The following ZNF81 variants were observed in gnomAD, a reference collection of about 807,000 sequenced individuals.
ZNF81 encodes zinc finger protein 81 (HFZ20).
In ZNF81, 5 loss-of-function variants were observed where a neutral mutation model predicts 32.3. The observed-to-expected ratio is 0.15, with a 90% CI of 0.08 to 0.33. The LOEUF is 0.33. ZNF81 is among the 10% of genes least tolerant of loss of function. The pLI is 1.00. For missense variants in ZNF81, 379 were observed against 479.8 expected (o/e 0.79, Z 1.96); for synonymous variants, 163 against 166.8 (o/e 0.98, Z 0.17).
At chrX:47,837,350 T>TTTTTAGAAA (rs1317698810) in intron 1 of ZNF81, among the ~76,000 whole-genome samples, 2 of 112,040 alleles carry the variant, frequency 1.8e-5, no homozygotes, top group African/African-American at 3.3e-5. Context: ...CCGTGGTGAA[T>TTTTTAGAAA]TTTTAGAAAC....
chrX:47,856,837 G>A (rs1252568040), intron 2 of ZNF81, among the ~76,000 whole-genome samples: 1 of 111,682 alleles, frequency 9.0e-6, no homozygotes, highest in African/African-American at 3.3e-5. Flanking sequence ...TCGGGAGGCT[G>A]AAGCAGGAGA....
intron 1 of ZNF81, among the ~76,000 whole-genome samples, chrX:47,839,473 T>C (rs1294549997): frequency 8.9e-6 from 1 of 111,929 alleles, no homozygotes; most frequent in African/African-American, 3.2e-5. Flanking sequence ...CAAAATGCAG[T>C]GAAAACTTTG....
At chrX:47,863,407 A>G (rs782141662) in intron 2 of ZNF81, among the ~76,000 whole-genome samples, 1 of 111,898 alleles carries the variant, frequency 8.9e-6, no homozygotes, top group Non-Finnish European at 1.9e-5. Context: ...CTGGATTGTG[A>G]TATGTTGAAT....
At chrX:47,899,526 T>C (rs1447823965) in intron 4 of ZNF81, among the ~76,000 whole-genome samples, 8 of 111,097 alleles carry the variant, frequency 7.2e-5, no homozygotes, top group African/African-American at 2.3e-4. Flanking sequence ...AAAGTTTGCG[T>C]TTTTCATGAG....
At chrX:47,883,270 CTT>C (rs1458141858) in intron 2 of ZNF81, among the ~76,000 whole-genome samples, 3 of 111,499 alleles carry the variant, frequency 2.7e-5, no homozygotes, top group African/African-American at 9.8e-5. Flanking sequence ...TTTCTTACTA[CTT>C]TCTAGGAGTT....
At position 47,924,867 on chromosome X, in the gene ZNF81, C is replaced by T. The variant is rs2058786456; in HGVS notation, c.*8235C>T. ...TAAAACAATATAACATTATTTCCCT[C>T]ACATCTTAATTATGTGTATTTTCAA... On this transcript the variant is annotated 3_prime_UTR_variant, in exon 5 of 5. Coordinates refer to ENST00000338637, the MANE Select transcript of ZNF81 (RefSeq NM_007137.5). Among the ~76,000 whole-genome samples, 18 of 111,428 alleles carry T rather than the reference C, an allele frequency of 1.6e-4. No individual in the cohort carries two copies. The Admixed American group carries it at 1.6e-3, about 10-fold the overall frequency.
intron 2 of ZNF81, among the ~76,000 whole-genome samples, chrX:47,874,592 T>C (rs1010208332): frequency 8.9e-6 from 1 of 112,294 alleles, no homozygotes; most frequent in Middle Eastern, 4.6e-3. Flanking sequence ...AGGTTCCCCT[T>C]GTGTAGGTCT....
intron 4 of ZNF81, among the ~76,000 whole-genome samples, chrX:47,901,360 A>G (rs781935302): frequency 9.0e-6 from 1 of 111,610 alleles, no homozygotes; most frequent in East Asian, 2.8e-4. Flanking sequence ...TTTTTGGTCT[A>G]TATGCTGTTT....
At chrX:47,856,711 G>A (rs1212765938) in intron 2 of ZNF81, among the ~76,000 whole-genome samples, 9 of 111,500 alleles carry the variant, frequency 8.1e-5, no homozygotes, top group African/African-American at 2.9e-4. Flanking sequence ...TTGGGAGGCC[G>A]AGGCGGGTGG....
intron 1 of ZNF81, among the ~76,000 whole-genome samples, chrX:47,837,716 CTA>C (rs1299155542): frequency 8.9e-6 from 1 of 112,317 alleles, no homozygotes; most frequent in Non-Finnish European, 1.9e-5. Context: ...AGTTCATTGT[CTA>C]TGTGTCTATC....
At chrX:47,882,006 G>T (rs2058622779) in intron 2 of ZNF81, among the ~76,000 whole-genome samples, 1 of 111,210 alleles carries the variant, frequency 9.0e-6, no homozygotes, top group African/African-American at 3.3e-5. Flanking sequence ...CAAGCTTCTG[G>T]CCTCAAGCGA....
In ZNF81 at chrX:47,846,215, A is replaced by T; in HGVS notation, c.-53A>T. ...TGAGTCCACCGATCCCACTGGAATT[A>T]TAAAGTTGTCAGCAAGAAAGCCCCA... On this transcript the variant is annotated 5_prime_UTR_variant, in exon 2 of 5. Transcript: ENST00000338637. 1 of 1,183,620 alleles carries T rather than the reference A, an allele frequency of 8.4e-7. No homozygotes were observed.
At chrX:47,843,210 T>G (rs1479064336) in intron 1 of ZNF81, among the ~76,000 whole-genome samples, 2 of 111,576 alleles carry the variant, frequency 1.8e-5, no homozygotes, top group East Asian at 5.6e-4. Context: ...TATGGCAAAT[T>G]TTGTTTATCC....
intron 2 of ZNF81, among the ~76,000 whole-genome samples, chrX:47,852,814 C>G (rs1425762215): frequency 8.9e-6 from 1 of 112,901 alleles, no homozygotes; most frequent in Non-Finnish European, 1.9e-5. Flanking sequence ...TTCTTAATGG[C>G]TTCTAGAATG....
intron 4 of ZNF81, among the ~76,000 whole-genome samples, chrX:47,905,635 C>T (rs1283392685): frequency 9.1e-6 from 1 of 109,454 alleles, no homozygotes; most frequent in African/African-American, 3.3e-5. Flanking sequence ...TTTTTTCAGA[C>T]ATAGAAGTTT....
Position 47,915,278 on chromosome X carries a change from G to T in ZNF81, c.632G>T (p.Ser211Ile). 1 of 1,211,331 alleles carries T rather than the reference G, an allele frequency of 8.3e-7. No individual in the cohort carries two copies. The highest frequency in any genetic ancestry group is 1.1e-6 in the Non-Finnish European group (1 of 895,365). Residue 211 changes from serine to isoleucine, a missense_variant, in exon 5 of 5, where the codon AGC becomes ATC. Physicochemically the swap from Ser to Ile is moderately radical, Grantham distance 142. Around this residue, in one of 2 missense-constraint regions of ZNF81, gnomAD observed 277 missense variants for 306.6 expected, o/e 0.90. Transcript: ENST00000338637. ...HNLDLHIHNK[S>I]NAAKNLDKTI... is the part of the protein sequence containing the mutation. Reference sequence around the variant, plus strand: ...TTAGACTTACATATTCATAATAAAAGCAATGCAGCAAAGAACCTGGATAAA... The same window carrying T: ...TTAGACTTACATATTCATAATAAAATCAATGCAGCAAAGAACCTGGATAAA...
At chrX:47,886,894 A>G (rs2058644018) in intron 2 of ZNF81, among the ~76,000 whole-genome samples, 1 of 111,700 alleles carries the variant, frequency 9.0e-6, no homozygotes, top group African/African-American at 3.3e-5. Context: ...GATAGTTTTT[A>G]AAATATTTTT....
At chrX:47,870,682 G>A (rs1293984012) in intron 2 of ZNF81, among the ~76,000 whole-genome samples, 2 of 112,161 alleles carry the variant, frequency 1.8e-5, no homozygotes, top group Non-Finnish European at 3.8e-5. Flanking sequence ...TACCTTCTGC[G>A]GGCATTGATT....
At chrX:47,854,805 AT>A (rs2058509518) in intron 2 of ZNF81, among the ~76,000 whole-genome samples, 1 of 111,914 alleles carries the variant, frequency 8.9e-6, no homozygotes. Context: ...CATAACAGAT[AT>A]AATAATAGGC....
Sources: gnomAD v4.1 joint callset for allele counts (sites outside exome capture counted in the v4.1 genomes callset) on GRCh38, gnomAD v4.1.1 for gene constraint, gnomAD v4.1.1 regional missense constraint, MANE v1.5 for transcripts, NCBI Gene and HGNC (gene_info 2026-07-23, HGNC 2026-07-21) for gene names.